Variants in CFHR5 observed in about 807,000 individuals in gnomAD.
CFHR5 encodes complement factor H related 5, also known as complement factor H-related protein 5.
In CFHR5, 73 loss-of-function variants were observed where a neutral mutation model predicts 62.9. The ratio of observed to expected loss-of-function variants is 1.16; its 90% CI spans 0.96 to 1.41. The LOEUF (loss-of-function observed/expected upper bound fraction) is 1.41. Among genes scored for constraint, CFHR5 ranks in the 40% most tolerant of loss-of-function variants. The pLI is 0.00. For synonymous variants in CFHR5, 249 were observed against 227.2 expected (o/e 1.10, Z -0.86); for missense variants, 779 against 679.9 (o/e 1.15, Z -1.62).
chr1:196,991,544 G>A (rs527939261), intron 3 of CFHR5, among the ~76,000 whole-genome samples: 58 of 152,164 alleles, frequency 3.8e-4, no homozygotes, highest in African/African-American at 1.3e-3. Flanking sequence ...CTACAGATGG[G>A]GTTTTGTTGT....
chr1:196,986,545 T>A (rs1027254517), intron 3 of CFHR5, among the ~76,000 whole-genome samples: 2 of 151,936 alleles, frequency 1.3e-5, no homozygotes, highest in African/African-American at 4.8e-5. Flanking sequence ...CAGGCCCCAG[T>A]GTGTGATGTT....
In CFHR5 at chr1:197,008,748, T is replaced by C. The variant is rs1654361493; in HGVS notation, c.*65T>C. On this transcript the variant is annotated 3_prime_UTR_variant, in exon 10 of 10. Coordinates refer to ENST00000256785, the MANE Select transcript of CFHR5 (RefSeq NM_030787.4). ...ATCTATGCTAAAAGTAGCCATTATGTAGCCAATTCTGTAGTTACTTCTTTT... is the reference window on the plus strand; with the variant it reads ...ATCTATGCTAAAAGTAGCCATTATGCAGCCAATTCTGTAGTTACTTCTTTT... The C allele has an allele frequency of 2.3e-6, 3 of 1,281,504 alleles. No individual in the cohort carries two copies. Among genetic ancestry groups the C allele is most frequent in the Admixed American group, 3.4e-5 (2 of 59,130 alleles). The allele number at this position is 1,281,504 out of a possible 1,614,324, so 79.4% of individuals were successfully genotyped here. A position where few individuals can be genotyped will look rare whatever the true frequency, so the allele number is the denominator to read the frequency against.
chr1:196,983,030 T>G lies in CFHR5; in HGVS notation c.204T>G (p.Thr68=). Residue 68 remains threonine (T), a synonymous_variant, in exon 2 of 10, where the codon ACT becomes ACG. Coordinates refer to ENST00000256785, the MANE Select transcript of CFHR5 (RefSeq NM_030787.4). ...NFVSPSKSFW[T]RITCTEEGWS... ...TGTCTCCTTCAAAATCCTTTTGGAC[T>G]CGCATAACATGCACAGAAGAAGGAT... 2.5e-6 allele frequency: 4 copies of G among 1,614,152 alleles called. No individual in the cohort carries two copies. The highest frequency in any genetic ancestry group is 3.4e-6 in the Non-Finnish European group (4 of 1,180,032).
At chr1:197,003,424 G>C (rs1179804223) in intron 8 of CFHR5, among the ~76,000 whole-genome samples, 1 of 152,098 alleles carries the variant, frequency 6.6e-6, no homozygotes, top group African/African-American at 2.4e-5. Context: ...GGTTTGTGTA[G>C]GCTCACTCCA....
chr1:196,983,231 C>T (rs1254323460), intron 2 of CFHR5, 152 bp downstream of exon 2: 5 of 945,728 alleles, frequency 5.3e-6, no homozygotes, highest in Non-Finnish European at 8.4e-6. Flanking sequence ...GAGACCCCTC[C>T]TATGAGAATC....
At chr1:197,002,343 G>A in intron 7 of CFHR5, 139 bp from the exon 8 acceptor site, 1 of 623,092 alleles carries the variant, frequency 1.6e-6, no homozygotes. Flanking sequence ...TTTATATATA[G>A]GGAGAGAGAA....
At chr1:196,977,777 TTGTGTGTG>T in intron 1 of CFHR5, 55 bp downstream of exon 1, 1 of 1,332,700 alleles carries the variant, frequency 7.5e-7, no homozygotes, top group Non-Finnish European at 1.1e-6. Context: ...TATTTATTGA[TTGTGTGTG>T]TGTATGCATA....
intron 1 of CFHR5, among the ~76,000 whole-genome samples, chr1:196,979,403 A>C (rs938281875): frequency 6.6e-6 from 1 of 152,098 alleles, no homozygotes; most frequent in Admixed American, 6.6e-5. Flanking sequence ...TGTATAGCCT[A>C]CTACCTAACT....
intron 4 of CFHR5, 139 bp from the exon 5 acceptor site, chr1:196,995,578 A>G (rs1653966447): frequency 5.6e-6 from 4 of 708,890 alleles, no homozygotes; most frequent in South Asian, 1.6e-5. Context: ...TACACTATGT[A>G]CACTGCAAAA....
At chr1:196,999,705 A>ATATG (rs1553315398) in intron 7 of CFHR5, among the ~76,000 whole-genome samples, 1 of 52,752 alleles carries the variant, frequency 1.9e-5, no homozygotes, top group African/African-American at 5.0e-5. Context: ...ATATATATAT[A>ATATG]TATATATATA....
chr1:196,982,541 CAGG>C (rs2125026411), intron 1 of CFHR5, among the ~76,000 whole-genome samples: 1 of 152,096 alleles, frequency 6.6e-6, no homozygotes, highest in East Asian at 1.9e-4. Flanking sequence ...GGTGTGGTGG[CAGG>C]CACCTGTAAT....
At chr1:196,991,932 A>G (rs1571519215) in intron 3 of CFHR5, among the ~76,000 whole-genome samples, 1 of 152,324 alleles carries the variant, frequency 6.6e-6, no homozygotes. Flanking sequence ...GCTGTCAGAC[A>G]GGGACATTTA....
At chr1:196,994,574 AAT>A (rs1653939617) in intron 4 of CFHR5, among the ~76,000 whole-genome samples, 1 of 152,214 alleles carries the variant, frequency 6.6e-6, no homozygotes, top group Non-Finnish European at 1.5e-5. Flanking sequence ...TTGTACGAAC[AAT>A]GTTATATTTT....
chr1:196,976,954 G>A (rs6657171), upstream of CFHR5, among the ~76,000 whole-genome samples: 27,467 of 151,198 alleles, frequency 0.18, 4,309 homozygotes, highest in African/African-American at 0.43. Context: ...ACAGGCGCCC[G>A]CCACCACGCC....
chr1:197,008,716 A>T lies in CFHR5; in HGVS notation c.*33A>T. ...ATAATTTTCCTGAATATATTCTTCAAACATCCATCTATGCTAAAAGTAGCC... is the reference window on the plus strand; with the variant it reads ...ATAATTTTCCTGAATATATTCTTCATACATCCATCTATGCTAAAAGTAGCC... On this transcript the variant is annotated 3_prime_UTR_variant, in exon 10 of 10. Transcript: ENST00000256785. 1 of 1,543,546 alleles carries T rather than the reference A, an allele frequency of 6.5e-7. No individual in the cohort carries two copies. The highest frequency in any genetic ancestry group is 9.0e-7 in the Non-Finnish European group (1 of 1,116,136).
intron 3 of CFHR5, among the ~76,000 whole-genome samples, chr1:196,984,769 A>C (rs1653636803): frequency 6.6e-6 from 1 of 152,030 alleles, no homozygotes; most frequent in African/African-American, 2.4e-5. Flanking sequence ...TCAACCAAAC[A>C]CTCAAGGAAA....
intron 1 of CFHR5, among the ~76,000 whole-genome samples, chr1:196,978,082 T>G (rs1653444986): frequency 6.6e-6 from 1 of 152,160 alleles, no homozygotes; most frequent in Non-Finnish European, 1.5e-5. Context: ...CCCAAAAGAT[T>G]TGGCCACCTT....
intron 3 of CFHR5, among the ~76,000 whole-genome samples, chr1:196,990,560 G>T (rs1042627652): frequency 6.6e-6 from 1 of 152,138 alleles, no homozygotes; most frequent in Non-Finnish European, 1.5e-5. Context: ...TTGTAAGGCA[G>T]ACCTGGTGGT....
rs1275917345 is a variant in CFHR5, at chr1:196,998,128, C to T, written c.971C>T (p.Ala324Val). The change falls in exon 7 of 10, where the codon GCA (alanine) becomes GTA (valine). Residue 324 changes from alanine to valine, a missense_variant and splice_region_variant. Physicochemically the swap from Ala to Val is moderately conservative, Grantham distance 64. Transcript: ENST00000256785. ...GIWTELPMCV[A>V]THQLKRCKIA... ...TTCTATTTAATATTATTTTTTATAG[C>T]AACACACCAACTTAAGAGGTGCAAA... The T allele has an allele frequency of 2.0e-6, 3 of 1,514,408 alleles. No individual in the cohort carries two copies. The highest frequency in any genetic ancestry group is 2.7e-6 in the Non-Finnish European group (3 of 1,115,782). 93.8% of individuals were successfully genotyped at this position (1,514,408 alleles called of 1,614,324 possible).
Sources: gnomAD v4.1 joint callset for allele counts (sites outside exome capture counted in the v4.1 genomes callset) on GRCh38, gnomAD v4.1.1 for gene constraint, MANE v1.5 for transcripts, NCBI Gene and HGNC (gene_info 2026-07-23, HGNC 2026-07-21) for gene names.